The following MAPK8 variants were observed in gnomAD, a reference collection of about 807,000 sequenced individuals.
MAPK8 encodes the protein JUN N-terminal kinase.
A neutral mutation model predicts 52.9 loss-of-function variants in MAPK8; 13 were observed. The observed-to-expected ratio is 0.25, with a 90% CI of 0.16 to 0.39. MAPK8 has a LOEUF of 0.39. Among genes scored for constraint, MAPK8 ranks in the 10% least tolerant of loss-of-function variants. The pLI is 1.00. For missense variants in MAPK8, 300 were observed against 519.2 expected (o/e 0.58, Z 4.10); for synonymous variants, 191 against 169.8 (o/e 1.12, Z -0.97).
At chr10:48,349,215 C>G (rs573225290) in intron 1 of MAPK8, among the ~76,000 whole-genome samples, 1 of 152,126 alleles carries the variant, frequency 6.6e-6, no homozygotes, top group Non-Finnish European at 1.5e-5. Context: ...TCAGACAGAT[C>G]GAGACAGAAA....
chr10:48,410,108 C>T lies in MAPK8; in HGVS notation c.390C>T (p.Tyr130=), dbSNP rs771284001. The change falls in exon 5 of 12, where the codon TAC becomes TAT. Residue 130 remains tyrosine, a synonymous_variant. Coordinates refer to ENST00000374189, the MANE Select transcript of MAPK8 (RefSeq NM_001323329.2). ...AGCTAGATCATGAAAGAATGTCCTA[C>T]CTTCTCTATCAGATGCTGTGTGGAA... The part of the protein sequence containing the change: ...QMELDHERMS[Y]LLYQMLCGIK... The T allele has an allele frequency of 1.3e-6, 2 of 1,592,498 alleles. No homozygotes were observed. The highest frequency in any genetic ancestry group is 1.7e-6 in the Non-Finnish European group (2 of 1,170,912).
At chr10:48,342,015 A>G (rs777460503) in intron 1 of MAPK8, among the ~76,000 whole-genome samples, 6 of 152,352 alleles carry the variant, frequency 3.9e-5, no homozygotes, top group Non-Finnish European at 8.8e-5. Context: ...GCAGAGAGCA[A>G]TGTTTTGGAG....
chr10:48,433,045 G>A (rs2044475020), intron 11 of MAPK8, among the ~76,000 whole-genome samples: 1 of 151,964 alleles, frequency 6.6e-6, no homozygotes, highest in South Asian at 2.1e-4. Context: ...CTTTGTTTTG[G>A]TTTGGCTAAT....
At chr10:48,405,020 T>G (rs2042384639) in intron 3 of MAPK8, 39 bp downstream of exon 3, 1 of 1,428,406 alleles carries the variant, frequency 7.0e-7, no homozygotes. Context: ...ATAGATGAAA[T>G]CAAGATTTAT....
chr10:48,410,644 A>G (rs1458175965), intron 5 of MAPK8, among the ~76,000 whole-genome samples: 1 of 152,170 alleles, frequency 6.6e-6, no homozygotes, highest in Non-Finnish European at 1.5e-5. Flanking sequence ...GTCCTTTAGG[A>G]TATACCTGTG....
chr10:48,323,790 G>C (rs1440846347), intron 1 of MAPK8, among the ~76,000 whole-genome samples: 1 of 152,136 alleles, frequency 6.6e-6, no homozygotes, highest in East Asian at 1.9e-4. Context: ...TATCAGCAGA[G>C]TTTTGGTTGA....
Position 48,435,043 on chromosome 10 carries a change from CG to C in MAPK8, c.*20del, listed in dbSNP as rs1554839131. The C allele has an allele frequency of 1.0e-4, 26 of 249,190 alleles. No homozygotes were observed. The highest frequency in any genetic ancestry group is 3.4e-4 in the East Asian group (3 of 8,696). The allele number at this position is 249,190 out of a possible 1,614,324, so 15.4% of individuals were successfully genotyped here. On this transcript the variant is annotated 3_prime_UTR_variant, in exon 12 of 12. Coordinates refer to ENST00000374189, the MANE Select transcript of MAPK8 (RefSeq NM_001323329.2). ...TGCTGTAGATGACTACTTGGGCCATCGGGGGGTGGGAGGGATGGGGAGTCGG... is the reference window on the plus strand; with the variant it reads ...TGCTGTAGATGACTACTTGGGCCATCGGGGGTGGGAGGGATGGGGAGTCGG...
chr10:48,410,285 C>A (rs903554559), intron 5 of MAPK8, 117 bp downstream of exon 5: 1 of 737,306 alleles, frequency 1.4e-6, no homozygotes, highest in Non-Finnish European at 2.0e-6. Flanking sequence ...TGTACAACTA[C>A]CACCCATATT....
In MAPK8 at chr10:48,338,089, C is replaced by T. The variant is rs77554426; in HGVS notation, c.-50+31268C>T. 5.0e-3 allele frequency among the ~76,000 whole-genome samples: 761 copies of T among 152,158 alleles called. 6 individuals are homozygous for T. The highest frequency in any genetic ancestry group is 0.017 in the African/African-American group (700 of 41,528). On this transcript the variant is annotated intron_variant, in intron 1 of 11. Transcript: ENST00000374189. ...CAAGGTGGAGAGATATCCTCCCTAA[C>T]TCATTCTTTGAAACCAGTATCATCC... is the stretch of plus-strand genomic sequence containing the variant.
intron 1 of MAPK8, among the ~76,000 whole-genome samples, chr10:48,362,683 G>A (rs1847643929): frequency 6.6e-6 from 1 of 151,246 alleles, no homozygotes; most frequent in Non-Finnish European, 1.5e-5. Context: ...AAATTTAAGT[G>A]GATTCCACTG....
rs1454123136 is a variant in MAPK8, at chr10:48,426,496, G to A, written c.988G>A (p.Ala330Thr). Residue 330 changes from alanine (A) to threonine (T), a missense_variant, in exon 9 of 12, where the codon GCA becomes ACA. Physicochemically the swap from Ala to Thr is moderately conservative, Grantham distance 58. Around this residue, in one of 3 missense-constraint regions of MAPK8, gnomAD observed 119 missense variants for 154.4 expected, o/e 0.77. Coordinates refer to ENST00000374189, the MANE Select transcript of MAPK8 (RefSeq NM_001323329.2). Reference sequence around the variant, plus strand: ...CAATGTCTGGTATGATCCTTCTGAAGCAGAAGCTGTAAGTTATTTTCTTAA... The same window carrying A: ...CAATGTCTGGTATGATCCTTCTGAAACAGAAGCTGTAAGTTATTTTCTTAA... ...YINVWYDPSE[A>T]EAPPPKIPDK... is the part of the protein sequence containing the mutation. 6.2e-7 allele frequency: 1 copy of A among 1,609,458 alleles called. No individual in the cohort carries two copies. Among genetic ancestry groups the A allele is most frequent in the Non-Finnish European group, 8.5e-7 (1 of 1,178,594 alleles).
At chr10:48,376,520 C>T (rs1271699263) in intron 1 of MAPK8, among the ~76,000 whole-genome samples, 3 of 152,152 alleles carry the variant, frequency 2.0e-5, no homozygotes, top group Non-Finnish European at 4.4e-5. Context: ...CTACAAAGAA[C>T]TTAAACAAAT....
At position 48,315,394 on chromosome 10, in the gene MAPK8, C is replaced by T. The variant is rs148055759; in HGVS notation, c.-50+8573C>T. 7.1e-3 allele frequency among the ~76,000 whole-genome samples: 1,074 copies of T among 152,246 alleles called. 11 individuals are homozygous for T. The highest frequency in any genetic ancestry group is 0.025 in the African/African-American group (1,031 of 41,552). On this transcript the variant is annotated intron_variant, in intron 1 of 11. Transcript: ENST00000374189. ...CTTTTCTTACATCCTTTTCAAGTTA[C>T]CTTGCTCCCCAGTGATTGGCTTCTA...
chr10:48,387,123 A>G (rs961380169), intron 1 of MAPK8, among the ~76,000 whole-genome samples: 13 of 152,310 alleles, frequency 8.5e-5, no homozygotes, highest in African/African-American at 3.1e-4. Context: ...TTAAAAACCC[A>G]ATTGCAGAAC....
rs567744737 is a variant in MAPK8 at position 48,342,274 on chromosome 10, T to A, written c.-50+35453T>A. Among the ~76,000 whole-genome samples, 5 of 152,260 alleles carry A rather than the reference T, an allele frequency of 3.3e-5. No homozygotes were observed. The East Asian group carries it at 5.8e-4, about 18-fold the overall frequency. On this transcript the variant is annotated intron_variant, in intron 1 of 11. Coordinates refer to ENST00000374189, the MANE Select transcript of MAPK8 (RefSeq NM_001323329.2). ...ACACACCACCTCGCCCATCCATTTT[T>A]AAAATATTTTGTAGAGACAAGGTCT...
chr10:48,355,979 A>G (rs1846883005), intron 1 of MAPK8, among the ~76,000 whole-genome samples: 1 of 152,230 alleles, frequency 6.6e-6, no homozygotes, highest in Admixed American at 6.5e-5. Context: ...GAATAAATCC[A>G]GGGAAATTCA....
At chr10:48,431,340 A>T in intron 11 of MAPK8, 70 bp downstream of exon 11, 1 of 938,986 alleles carries the variant, frequency 1.1e-6, no homozygotes, top group African/African-American at 1.6e-5. Context: ...GTGGCCTGAA[A>T]CCTGCAGTTC....
At chr10:48,408,584 G>T (rs940254998) in intron 3 of MAPK8, among the ~76,000 whole-genome samples, 5 of 152,198 alleles carry the variant, frequency 3.3e-5, no homozygotes, top group Admixed American at 3.3e-4. Flanking sequence ...TGAATATACT[G>T]CAAGGGAGTT....
chr10:48,335,369 T>G lies in MAPK8; in HGVS notation c.-50+28548T>G, dbSNP rs1043322481. Reference sequence around the variant, plus strand: ...AAAAGCTTCTGTTAACAAAGTTCTTTGTTTAAAAAGTATAAAGGAATAGTG... The same window carrying G: ...AAAAGCTTCTGTTAACAAAGTTCTTGGTTTAAAAAGTATAAAGGAATAGTG... On this transcript the variant is annotated intron_variant, in intron 1 of 11. Transcript: ENST00000374189. Among the ~76,000 whole-genome samples, 11 of 152,298 alleles carry G rather than the reference T, an allele frequency of 7.2e-5. No homozygotes were observed. The South Asian group carries it at 2.3e-3, about 32-fold the overall frequency.
Sources: allele counts gnomAD v4.1 joint callset (sites outside exome capture counted in the v4.1 genomes callset), GRCh38; gene constraint gnomAD v4.1.1; regional missense constraint gnomAD v4.1.1; transcripts MANE v1.5; gene names NCBI Gene and HGNC (gene_info 2026-07-23, HGNC 2026-07-21).